Variants in PLPP1 observed in about 807,000 individuals in gnomAD.
The protein encoded by PLPP1 is phospholipid phosphatase 1.
In PLPP1, 24 loss-of-function variants were observed where a neutral mutation model predicts 31.2. The ratio of observed to expected loss-of-function variants is 0.77; its 90% CI spans 0.56 to 1.08. The LOEUF (loss-of-function observed/expected upper bound fraction) is 1.08, where lower values mean the gene tolerates loss of function less well. PLPP1 is among the 50% of genes least tolerant of loss of function. PLPP1 has a pLI of 0.00. For missense variants in PLPP1, 319 were observed against 342.7 expected, an observed-to-expected ratio of 0.93 and a Z score of 0.55; for synonymous variants, 146 against 126.3, an observed-to-expected ratio of 1.16 and a Z score of -1.05.
At chr5:55,494,163 T>C (rs1364062763) in intron 1 of PLPP1, among the ~76,000 whole-genome samples, 1 of 151,414 alleles carries the variant, frequency 6.6e-6, no homozygotes, top group Non-Finnish European at 1.5e-5. Flanking sequence ...TGAGGAATTT[T>C]AGAAATTAAC....
intron 1 of PLPP1, among the ~76,000 whole-genome samples, chr5:55,493,298 G>A (rs1324773897): frequency 6.7e-6 from 1 of 150,120 alleles, no homozygotes; most frequent in East Asian, 1.9e-4. Flanking sequence ...CTGGGCAACA[G>A]GACAAGACCC....
At chr5:55,471,141 T>A (rs1307657461) in intron 2 of PLPP1, among the ~76,000 whole-genome samples, 1 of 152,090 alleles carries the variant, frequency 6.6e-6, no homozygotes, top group Non-Finnish European at 1.5e-5. Context: ...CTCTAACCAC[T>A]TCCATTTCCT....
chr5:55,426,288 A>AAAC (rs1182208635), intron 4 of PLPP1, among the ~76,000 whole-genome samples: 3 of 152,222 alleles, frequency 2.0e-5, no homozygotes, highest in Non-Finnish European at 4.4e-5. Context: ...AACTGTATAC[A>AAAC]AACAGGTGTT....
intron 2 of PLPP1, among the ~76,000 whole-genome samples, chr5:55,474,455 C>CCAGT (rs1752493492): frequency 6.6e-6 from 1 of 152,136 alleles, no homozygotes; most frequent in Non-Finnish European, 1.5e-5. Context: ...ATCATGTAGT[C>CCAGT]CAGTCAATAG....
chr5:55,457,114 C>T (rs1383067912), intron 3 of PLPP1, among the ~76,000 whole-genome samples: 5 of 150,538 alleles, frequency 3.3e-5, no homozygotes, highest in Non-Finnish European at 7.4e-5. Flanking sequence ...GAGCAGAGAT[C>T]ACACCACTGC....
At chr5:55,447,586 C>CGT (rs1554037657) in intron 3 of PLPP1, among the ~76,000 whole-genome samples, 2 of 151,944 alleles carry the variant, frequency 1.3e-5, no homozygotes, top group African/African-American at 2.4e-5. Flanking sequence ...CGAAAAGTCA[C>CGT]GTCTCTGCAG....
rs66505824 is a variant in PLPP1, at chr5:55,442,664, AT to A, written c.492-757del. On this transcript the variant is annotated intron_variant, in intron 3 of 5. Transcript: ENST00000307259. ...GAGACGCCATCTCAAAAAAAAAAAA[AT>A]TTGGTGTTTTAAATGGGCACACATC... 1.0e-2 allele frequency among the ~76,000 whole-genome samples: 1,506 copies of A among 150,756 alleles called. 27 individuals are homozygous for A. Among genetic ancestry groups the A allele is most frequent in the African/African-American group, 0.035 (1,445 of 41,064 alleles).
At chr5:55,481,088 G>A (rs900846752) in intron 1 of PLPP1, among the ~76,000 whole-genome samples, 3 of 152,100 alleles carry the variant, frequency 2.0e-5, no homozygotes, top group South Asian at 2.1e-4. Flanking sequence ...AGAACACTTC[G>A]CCGTCCTTTA....
intron 1 of PLPP1, among the ~76,000 whole-genome samples, chr5:55,531,237 CCTT>C (rs149533753): frequency 0.014 from 2,170 of 152,266 alleles, 25 homozygotes; most frequent in Admixed American, 0.029. Flanking sequence ...TCAAAATTCT[CCTT>C]CTTTTTCCAA....
intron 1 of PLPP1, among the ~76,000 whole-genome samples, chr5:55,534,281 G>C (rs1246431076): frequency 6.6e-6 from 1 of 152,204 alleles, no homozygotes; most frequent in Non-Finnish European, 1.5e-5. Flanking sequence ...TGCTCTGCTA[G>C]AGTGGAACTG....
At chr5:55,425,477 C>G in intron 5 of PLPP1, 143 bp from the exon 6 acceptor site, 10 of 722,998 alleles carry the variant, frequency 1.4e-5, no homozygotes, top group Non-Finnish European at 2.0e-5. Context: ...AAATTAGAGA[C>G]TAACTGGGAT....
At chr5:55,512,581 CAT>C (rs375198147) in intron 1 of PLPP1, among the ~76,000 whole-genome samples, 4 of 148,970 alleles carry the variant, frequency 2.7e-5, no homozygotes, top group African/African-American at 1.0e-4. Context: ...AGAAAGGTAA[CAT>C]AAAACTTACT....
chr5:55,516,698 A>G lies in PLPP1; in HGVS notation c.58+17874T>C, dbSNP rs139088523. On this transcript the variant is annotated intron_variant, in intron 1 of 5. Transcript: ENST00000307259. ...TCAAACTCAGACCTGTATGCTTCCA[A>G]TGTCCATACTCAAACTTTATGTATC... is the stretch of plus-strand genomic sequence containing the variant. Among the ~76,000 whole-genome samples, 520 of 152,346 alleles carry G rather than the reference A, an allele frequency of 3.4e-3. 2 individuals are homozygous for G. The highest frequency in any genetic ancestry group is 0.012 in the African/African-American group (499 of 41,584).
chr5:55,527,978 G>A (rs1740529536), intron 1 of PLPP1, among the ~76,000 whole-genome samples: 2 of 152,204 alleles, frequency 1.3e-5, no homozygotes, highest in African/African-American at 4.8e-5. Flanking sequence ...TGTACCCCAT[G>A]TAATTCATTT....
At chr5:55,477,871 T>C (rs1752589285) in intron 1 of PLPP1, among the ~76,000 whole-genome samples, 1 of 151,890 alleles carries the variant, frequency 6.6e-6, no homozygotes, top group Admixed American at 6.6e-5. Flanking sequence ...TCCCGGCTAC[T>C]TAGGAGGCTG....
intron 1 of PLPP1, among the ~76,000 whole-genome samples, chr5:55,486,422 T>C (rs1405350165): frequency 6.6e-6 from 1 of 151,732 alleles, no homozygotes; most frequent in Non-Finnish European, 1.5e-5. Context: ...CCATCTCTAC[T>C]AAAAATACAA....
intron 2 of PLPP1, among the ~76,000 whole-genome samples, chr5:55,474,338 A>T (rs1181006426): frequency 6.6e-6 from 1 of 152,168 alleles, no homozygotes; most frequent in Non-Finnish European, 1.5e-5. Context: ...TAAAGTCACA[A>T]GTTATGGTCA....
chr5:55,511,871 G>GT (rs2111911455), intron 1 of PLPP1, among the ~76,000 whole-genome samples: 1 of 150,224 alleles, frequency 6.7e-6, no homozygotes, highest in East Asian at 2.0e-4. Context: ...GGGTTTCACC[G>GT]TGTTAGCCAG....
At chr5:55,517,435 G>A (rs754098270) in intron 1 of PLPP1, among the ~76,000 whole-genome samples, 14 of 151,906 alleles carry the variant, frequency 9.2e-5, no homozygotes, top group Admixed American at 5.2e-4. Context: ...GGGCTCAAGC[G>A]ACCTGCCCAC....
Sources: allele counts gnomAD v4.1 joint callset (sites outside exome capture counted in the v4.1 genomes callset), GRCh38; gene constraint gnomAD v4.1.1; transcripts MANE v1.5; gene names NCBI Gene and HGNC (gene_info 2026-07-23, HGNC 2026-07-21).